AOPEP: variants seen among roughly 807,000 people sequenced by gnomAD.
The protein encoded by AOPEP is aminopeptidase O.
A neutral mutation model predicts 98.1 loss-of-function variants in AOPEP; 77 were observed. The observed-to-expected ratio is 0.78, with a 90% CI of 0.65 to 0.95. The LOEUF is 0.95. Among genes scored for constraint, AOPEP ranks in the 40% least tolerant of loss-of-function variants. AOPEP has a pLI of 0.00. For missense variants in AOPEP, 1,024 were observed against 1,024.7 expected (o/e 1.00, Z 0.01); for synonymous variants, 346 against 365.3 (o/e 0.95, Z 0.60).
At chr9:94,943,071 T>C (rs554573938) in intron 7 of AOPEP, among the ~76,000 whole-genome samples, 1 of 152,280 alleles carries the variant, frequency 6.6e-6, no homozygotes, top group Non-Finnish European at 1.5e-5. Context: ...GTTTCTTACA[T>C]ACTAGACACT....
At chr9:94,996,238 A>T (rs575014437) in intron 11 of AOPEP, among the ~76,000 whole-genome samples, 1 of 152,214 alleles carries the variant, frequency 6.6e-6, no homozygotes, top group Non-Finnish European at 1.5e-5. Context: ...ACCTCCTTGT[A>T]TGGCACTGAA....
chr9:94,734,896 C>A (rs1831374152), intron 1 of AOPEP, among the ~76,000 whole-genome samples: 1 of 152,202 alleles, frequency 6.6e-6, no homozygotes, highest in African/African-American at 2.4e-5. Context: ...GTTATAGATA[C>A]CAGTAACATG....
At chr9:95,010,118 AT>A (rs1204330026) in intron 13 of AOPEP, among the ~76,000 whole-genome samples, 8 of 152,112 alleles carry the variant, frequency 5.3e-5, no homozygotes, top group African/African-American at 1.9e-4. Context: ...TGGTTTATGC[AT>A]TTTTTAGCGT....
At chr9:94,925,595 A>T (rs892097351) in intron 6 of AOPEP, among the ~76,000 whole-genome samples, 2 of 151,984 alleles carry the variant, frequency 1.3e-5, no homozygotes, top group African/African-American at 4.8e-5. Context: ...CTACTGTGTC[A>T]TTTCCTTATC....
At chr9:95,115,226 A>G in the AOPEP span, among the ~76,000 whole-genome samples, 5 of 148,824 alleles carry the variant, frequency 3.4e-5, no homozygotes, top group African/African-American at 1.3e-4. Context: ...ACAGGCATTA[A>G]TCACCACGCT....
At chr9:94,762,039 G>A (rs1838421966) in intron 2 of AOPEP, among the ~76,000 whole-genome samples, 1 of 152,188 alleles carries the variant, frequency 6.6e-6, no homozygotes, top group African/African-American at 2.4e-5. Flanking sequence ...AAATATTTAT[G>A]GCCTCAAACA....
intron 13 of AOPEP, among the ~76,000 whole-genome samples, chr9:95,035,465 G>A (rs1306638959): frequency 1.4e-5 from 2 of 144,818 alleles, no homozygotes; most frequent in Admixed American, 6.9e-5. Context: ...TTAGTGATTT[G>A]CTGTTTTTTA....
intron 11 of AOPEP, among the ~76,000 whole-genome samples, chr9:94,993,609 T>G (rs369975128): frequency 2.0e-5 from 3 of 152,344 alleles, no homozygotes; most frequent in East Asian, 3.9e-4. Flanking sequence ...TTTATATGTC[T>G]GTTACAAAGT....
chr9:94,898,647 TGA>T (rs1491220114), intron 5 of AOPEP, among the ~76,000 whole-genome samples: 6 of 16,694 alleles, frequency 3.6e-4, no homozygotes, highest in Admixed American at 1.3e-3. Flanking sequence ...AAAAATAAAA[TGA>T]AAAAAAAAAA....
intron 13 of AOPEP, among the ~76,000 whole-genome samples, chr9:95,054,371 CA>C (rs914595924): frequency 2.0e-5 from 3 of 152,178 alleles, no homozygotes; most frequent in Non-Finnish European, 4.4e-5. Context: ...ATGCTTCCAA[CA>C]TATATAATAA....
At chr9:95,123,445 G>C in the AOPEP span, 1 of 459,870 alleles carries the variant, frequency 2.2e-6, no homozygotes, top group Non-Finnish European at 4.4e-6. Context: ...GTTGAGACCA[G>C]CCCGGGCAAC....
At chr9:95,082,510 C>T in intron 15 of AOPEP, 65 bp from the exon 16 acceptor site, 1 of 1,557,032 alleles carries the variant, frequency 6.4e-7, no homozygotes, top group Non-Finnish European at 8.8e-7. Flanking sequence ...AGACTGAGCT[C>T]ATGTGTGCGT....
At chr9:94,929,654 C>G (rs2137033889) in intron 7 of AOPEP, among the ~76,000 whole-genome samples, 1 of 152,336 alleles carries the variant, frequency 6.6e-6, no homozygotes, top group South Asian at 2.1e-4. Flanking sequence ...CATCTTTTCT[C>G]TTGGCCAATG....
intron 14 of AOPEP, among the ~76,000 whole-genome samples, chr9:95,073,562 T>A (rs1587917790): frequency 6.6e-6 from 1 of 151,340 alleles, no homozygotes; most frequent in Admixed American, 6.6e-5. Context: ...GGCTCACACC[T>A]GTAATCCCAG....
chr9:94,940,377 G>A (rs1259991964), intron 7 of AOPEP, among the ~76,000 whole-genome samples: 3 of 152,092 alleles, frequency 2.0e-5, no homozygotes, highest in African/African-American at 7.2e-5. Context: ...AGGCCGAGGC[G>A]GGCAGATCAC....
intron 4 of AOPEP, 43 bp from the exon 5 acceptor site, chr9:94,800,714 G>A (rs757014262): frequency 6.2e-7 from 1 of 1,606,586 alleles, no homozygotes; most frequent in Non-Finnish European, 8.5e-7. Flanking sequence ...TCCACAGCAA[G>A]AATAATAAAC....
the AOPEP span, among the ~76,000 whole-genome samples, chr9:95,113,196 C>T: frequency 1.0e-2 from 1,517 of 152,264 alleles, 17 homozygotes; most frequent in South Asian, 0.016. Context: ...TGGTCTCTGT[C>T]GGTAAGAATC....
intron 5 of AOPEP, among the ~76,000 whole-genome samples, chr9:94,889,595 C>T (rs2048638335): frequency 6.6e-6 from 1 of 152,042 alleles, no homozygotes. Flanking sequence ...TCAAGTGATC[C>T]TCCCACCTTG....
intron 7 of AOPEP, among the ~76,000 whole-genome samples, chr9:94,943,608 AAG>A (rs1314437674): frequency 1.3e-5 from 2 of 149,178 alleles, no homozygotes; most frequent in Non-Finnish European, 3.0e-5. Flanking sequence ...AAAAAAAAAA[AAG>A]AAAAAAGAAA....
Sources: allele counts gnomAD v4.1 joint callset (sites outside exome capture counted in the v4.1 genomes callset), GRCh38; gene constraint gnomAD v4.1.1; transcripts MANE v1.5; gene names NCBI Gene and HGNC (gene_info 2026-07-23, HGNC 2026-07-21).